MAML2: variants seen among roughly 807,000 people sequenced by gnomAD.
The protein encoded by MAML2 is mastermind-like protein 2.
MAML2 carries 22 observed loss-of-function variants against 96.1 expected under a neutral mutation model. The observed-to-expected ratio is 0.23, with a 90% CI of 0.16 to 0.33. The LOEUF (loss-of-function observed/expected upper bound fraction) is 0.33, where lower values mean the gene tolerates loss of function less well. MAML2 is among the 10% of genes least tolerant of loss of function. The probability of loss-of-function intolerance (pLI) is 1.00; values close to 1 mark genes in which losing one functional copy is unlikely to be tolerated. For synonymous variants in MAML2, 561 were observed against 521.3 expected, an observed-to-expected ratio of 1.08 and a Z score of -1.04; for missense variants, 1,367 against 1,392.4, an observed-to-expected ratio of 0.98 and a Z score of 0.29.
In MAML2 at chr11:96,231,244, A is replaced by G. The variant is rs139196568; in HGVS notation, c.513+110139T>C. Among the ~76,000 whole-genome samples, 521 of 152,210 alleles carry G rather than the reference A, an allele frequency of 3.4e-3. 3 individuals are homozygous for G. The highest frequency in any genetic ancestry group is 0.014 in the South Asian group (68 of 4,818). On this transcript the variant is annotated intron_variant, in intron 1 of 4. Coordinates refer to ENST00000524717, the MANE Select transcript of MAML2 (RefSeq NM_032427.4). ...CTGTAGCCCTCACAACTCCGAAAAC[A>G]CTTTATTGTACTAGTTTTACACACC...
chr11:95,987,537 TAGAAA>T (rs973551362), intron 3 of MAML2, among the ~76,000 whole-genome samples: 14 of 152,106 alleles, frequency 9.2e-5, no homozygotes, highest in African/African-American at 2.9e-4. Flanking sequence ...AGTCAACAAA[TAGAAA>T]AGAAAACTTT....
intron 1 of MAML2, among the ~76,000 whole-genome samples, chr11:96,300,922 C>T (rs955348137): frequency 6.6e-6 from 1 of 152,210 alleles, no homozygotes; most frequent in Non-Finnish European, 1.5e-5. Flanking sequence ...ATCTAAAATC[C>T]TATGCCTCAG....
intron 1 of MAML2, among the ~76,000 whole-genome samples, chr11:96,278,799 T>C (rs979217614): frequency 2.0e-5 from 3 of 152,218 alleles, no homozygotes; most frequent in African/African-American, 7.2e-5. Flanking sequence ...GTTTGAACTT[T>C]ATCATAAAAG....
In MAML2 at chr11:96,093,002, G is replaced by A. The variant is rs1464762785; in HGVS notation, c.1029C>T (p.Asp343=). 1 of 1,614,002 alleles carries A rather than the reference G, an allele frequency of 6.2e-7. No individual in the cohort carries two copies. Among genetic ancestry groups the A allele is most frequent in the Non-Finnish European group, 8.5e-7 (1 of 1,179,886 alleles). ...TGCTCCTCTGGCTTTGCTGACCCAA[G>A]TCAATGTTAAATGGGTCATCCTGCT... ...TIKQDDPFNI[D]LGQQSQRSTP... The change falls in exon 2 of 5, where the codon GAC becomes GAT. Residue 343 remains aspartate, a synonymous_variant. Transcript: ENST00000524717.
chr11:96,171,081 C>T (rs1861286714), intron 1 of MAML2, among the ~76,000 whole-genome samples: 1 of 151,932 alleles, frequency 6.6e-6, no homozygotes, highest in Admixed American at 6.6e-5. Flanking sequence ...TGGGTTCCCA[C>T]TTGTCTTTCC....
At chr11:96,134,345 C>A (rs1860593565) in intron 1 of MAML2, among the ~76,000 whole-genome samples, 1 of 152,206 alleles carries the variant, frequency 6.6e-6, no homozygotes, top group South Asian at 2.1e-4. Context: ...CCTCATTGTA[C>A]CCCAATGCCT....
intron 1 of MAML2, among the ~76,000 whole-genome samples, chr11:96,256,900 G>A (rs1862676346): frequency 6.6e-6 from 1 of 152,188 alleles, no homozygotes; most frequent in Admixed American, 6.5e-5. Flanking sequence ...GAAGCAGGCT[G>A]TGAAGACAGA....
intron 1 of MAML2, among the ~76,000 whole-genome samples, chr11:96,297,009 CT>C (rs1298356516): frequency 3.9e-5 from 6 of 152,148 alleles, no homozygotes; most frequent in African/African-American, 1.2e-4. Context: ...TCTTCTGTAA[CT>C]AAAAGTAATG....
At chr11:95,996,132 T>A (rs1411446192) in intron 2 of MAML2, among the ~76,000 whole-genome samples, 1 of 152,176 alleles carries the variant, frequency 6.6e-6, no homozygotes, top group Non-Finnish European at 1.5e-5. Context: ...CATGAATCCA[T>A]CAATCCATTA....
intron 1 of MAML2, among the ~76,000 whole-genome samples, chr11:96,166,188 C>A (rs1861191179): frequency 6.7e-6 from 1 of 150,238 alleles, no homozygotes; most frequent in African/African-American, 2.5e-5. Context: ...CACACACACA[C>A]ACACACACAC....
chr11:96,228,181 C>T (rs1248816013), intron 1 of MAML2, among the ~76,000 whole-genome samples: 1 of 152,176 alleles, frequency 6.6e-6, no homozygotes, highest in African/African-American at 2.4e-5. Flanking sequence ...CTCTGATGAG[C>T]TTCTGGACAG....
intron 1 of MAML2, among the ~76,000 whole-genome samples, chr11:96,233,510 C>T (rs992793646): frequency 2.0e-5 from 3 of 151,864 alleles, no homozygotes; most frequent in Non-Finnish European, 2.9e-5. Context: ...TAGGCTCAAT[C>T]GATCCTCCTG....
intron 1 of MAML2, among the ~76,000 whole-genome samples, chr11:96,150,392 G>T (rs992435664): frequency 2.0e-5 from 3 of 152,190 alleles, no homozygotes; most frequent in African/African-American, 7.2e-5. Context: ...GCAGGGAGTG[G>T]GTTAGGGTGC....
intron 1 of MAML2, among the ~76,000 whole-genome samples, chr11:96,105,604 T>C (rs1049844806): frequency 6.6e-6 from 1 of 152,250 alleles, no homozygotes; most frequent in South Asian, 2.1e-4. Context: ...GTTCTTGGCA[T>C]TGATGTCATC....
chr11:96,239,263 A>G (rs1862401428), intron 1 of MAML2, among the ~76,000 whole-genome samples: 2 of 152,224 alleles, frequency 1.3e-5, no homozygotes, highest in Admixed American at 1.3e-4. Flanking sequence ...AAAAAGCTCT[A>G]GGTTCCAGCC....
At chr11:96,055,432 A>G (rs997477638) in intron 2 of MAML2, among the ~76,000 whole-genome samples, 2 of 151,810 alleles carry the variant, frequency 1.3e-5, no homozygotes, top group African/African-American at 4.8e-5. Flanking sequence ...GGCAGGGGGG[A>G]AAAAAAAGAG....
chr11:96,183,515 C>A (rs1201403530), intron 1 of MAML2, among the ~76,000 whole-genome samples: 1 of 151,378 alleles, frequency 6.6e-6, no homozygotes, highest in Non-Finnish European at 1.5e-5. Flanking sequence ...CCTCTCACCT[C>A]AGCCTCCTGA....
chr11:96,122,535 T>G (rs1485738293), intron 1 of MAML2, among the ~76,000 whole-genome samples: 1 of 149,726 alleles, frequency 6.7e-6, no homozygotes, highest in Non-Finnish European at 1.5e-5. Flanking sequence ...TGTGTGCACG[T>G]GCACGTGCAT....
At chr11:96,340,169 G>A (rs547741768) in intron 1 of MAML2, among the ~76,000 whole-genome samples, 15 of 152,328 alleles carry the variant, frequency 9.8e-5, no homozygotes, top group Admixed American at 2.6e-4. Flanking sequence ...CATCCTGAGC[G>A]TCTGGCCAGA....
Sources: allele counts gnomAD v4.1 joint callset (sites outside exome capture counted in the v4.1 genomes callset), GRCh38; gene constraint gnomAD v4.1.1; transcripts MANE v1.5; gene names NCBI Gene and HGNC (gene_info 2026-07-23, HGNC 2026-07-21).